Variants in ARHGEF6 observed in about 807,000 individuals in gnomAD.
ARHGEF6 encodes the protein rho guanine nucleotide exchange factor 6.
Under a neutral mutation model 70.3 loss-of-function variants are expected in ARHGEF6, and 9 were observed. The observed-to-expected ratio is 0.13, with a 90% CI of 0.08 to 0.22. The LOEUF (loss-of-function observed/expected upper bound fraction) is 0.22. Ranked by LOEUF, ARHGEF6 falls within the 10% of genes least tolerant of loss-of-function variation. The pLI, the probability that ARHGEF6 is intolerant of heterozygous loss-of-function variation, is 1.00. For synonymous variants in ARHGEF6, 201 were observed against 207.8 expected, an observed-to-expected ratio of 0.97 and a Z score of 0.28; for missense variants, 470 against 563.0, an observed-to-expected ratio of 0.83 and a Z score of 1.67.
At chrX:136,745,921 T>C (rs1190719824) in intron 3 of ARHGEF6, among the ~76,000 whole-genome samples, 2 of 112,072 alleles carry the variant, frequency 1.8e-5, no homozygotes, top group African/African-American at 6.5e-5. Flanking sequence ...AAGAGTCTTC[T>C]CTTCCTTGAA....
chrX:136,746,042 C>T (rs1450624928), intron 3 of ARHGEF6, among the ~76,000 whole-genome samples: 1 of 111,909 alleles, frequency 8.9e-6, no homozygotes, highest in Non-Finnish European at 1.9e-5. Flanking sequence ...GGTTCTTTTC[C>T]TCTCCATTTA....
rs760460124 is a variant in ARHGEF6 at position 136,742,305 on chromosome X, C to T, written c.661+1280G>A. Among the ~76,000 whole-genome samples, 9 of 110,826 alleles carry T rather than the reference C, an allele frequency of 8.1e-5. No homozygotes were observed. The South Asian group carries it at 3.5e-3, about 43-fold the overall frequency. Reference sequence around the variant, plus strand: ...CTGCACTCCAGCCTGGGTGACAGAGCAAGACTCCGTCTCAAAACAACAACA... The same window carrying T: ...CTGCACTCCAGCCTGGGTGACAGAGTAAGACTCCGTCTCAAAACAACAACA... On this transcript the variant is annotated intron_variant, in intron 5 of 21. Coordinates refer to ENST00000250617, the MANE Select transcript of ARHGEF6 (RefSeq NM_004840.3).
At chrX:136,732,253 T>C in intron 5 of ARHGEF6, 81 bp from the exon 6 acceptor site, 2 of 727,890 alleles carry the variant, frequency 2.7e-6, no homozygotes, top group South Asian at 2.3e-5. Context: ...ACTAACATAC[T>C]ATAAAGATTC....
intron 2 of ARHGEF6, among the ~76,000 whole-genome samples, chrX:136,750,589 T>C (rs753298706): frequency 2.7e-5 from 3 of 111,566 alleles, no homozygotes; most frequent in Non-Finnish European, 3.8e-5. Context: ...CTACTGTGAC[T>C]CAGACAAGAA....
At chrX:136,749,258 G>A (rs1392730416) in intron 2 of ARHGEF6, among the ~76,000 whole-genome samples, 2 of 111,423 alleles carry the variant, frequency 1.8e-5, no homozygotes, top group African/African-American at 3.3e-5. Flanking sequence ...TAGTATCTCC[G>A]GGGATTTCAG....
At chrX:136,697,818 G>A (rs1223507414) in intron 9 of ARHGEF6, among the ~76,000 whole-genome samples, 1 of 112,759 alleles carries the variant, frequency 8.9e-6, no homozygotes, top group Non-Finnish European at 1.9e-5. Context: ...TACCTAAAAT[G>A]TCTTGTTCTC....
At chrX:136,703,082 AAATT>A (rs1175498197) in intron 9 of ARHGEF6, among the ~76,000 whole-genome samples, 3 of 111,847 alleles carry the variant, frequency 2.7e-5, no homozygotes, top group Admixed American at 9.5e-5. Flanking sequence ...AATTAACTCA[AAATT>A]AATTAAAGAC....
intron 2 of ARHGEF6, chrX:136,767,469 T>C (rs2077328399): frequency 7.9e-6 from 6 of 754,948 alleles, no homozygotes; most frequent in African/African-American, 2.3e-5. Flanking sequence ...AGCCCAGGGA[T>C]TGTTTTTTAA....
intron 6 of ARHGEF6, among the ~76,000 whole-genome samples, chrX:136,717,390 A>T (rs979167533): frequency 4.5e-5 from 5 of 111,554 alleles, no homozygotes; most frequent in Non-Finnish European, 7.6e-5. Context: ...AAAGTGAAAG[A>T]CATATCAAGA....
chrX:136,673,550 C>G (rs765178134), intron 19 of ARHGEF6, among the ~76,000 whole-genome samples: 13 of 111,666 alleles, frequency 1.2e-4, no homozygotes, highest in Non-Finnish European at 1.9e-4. Flanking sequence ...GCAGACCCAT[C>G]CACTCTGTCA....
chrX:136,678,040 A>G, intron 16 of ARHGEF6, 84 bp from the exon 17 acceptor site: 1 of 850,524 alleles, frequency 1.2e-6, no homozygotes, highest in South Asian at 2.1e-5. Flanking sequence ...AATAATTCTA[A>G]AACAACATTT....
chrX:136,686,621 T>TATATAC lies in ARHGEF6; in HGVS notation c.1246-799_1246-798insGTATAT, dbSNP rs1440869053. On this transcript the variant is annotated intron_variant, in intron 11 of 21. Coordinates refer to ENST00000250617, the MANE Select transcript of ARHGEF6 (RefSeq NM_004840.3). ...ATATATATATATATATATATATATA[T>TATATAC]ACACATATATATATATATATACACA... Among the ~76,000 whole-genome samples the TATATAC allele has an allele frequency of 1.7e-3, 119 of 68,535 alleles. 2 individuals are homozygous for TATATAC. Among genetic ancestry groups the TATATAC allele is most frequent in the African/African-American group, 7.5e-3 (95 of 12,719 alleles). The allele number at this position is 68,535 out of a possible 115,157, so 59.5% of individuals were successfully genotyped here.
At chrX:136,757,139 G>A (rs1219629654) in intron 2 of ARHGEF6, among the ~76,000 whole-genome samples, 2 of 112,884 alleles carry the variant, frequency 1.8e-5, no homozygotes, top group Non-Finnish European at 1.9e-5. Flanking sequence ...GGCTGAGGTG[G>A]GCTAATCACT....
chrX:136,708,541 G>A (rs1452929528), intron 8 of ARHGEF6, 134 bp downstream of exon 8: 1 of 502,849 alleles, frequency 2.0e-6, no homozygotes, highest in East Asian at 4.2e-5. Context: ...CACTGTCTAT[G>A]TATTGCTACT....
At chrX:136,709,934 C>A (rs1402174543) in intron 7 of ARHGEF6, among the ~76,000 whole-genome samples, 1 of 111,164 alleles carries the variant, frequency 9.0e-6, no homozygotes, top group East Asian at 2.8e-4. Context: ...CCACTGCACT[C>A]CAGGCTGGGT....
intron 2 of ARHGEF6, among the ~76,000 whole-genome samples, chrX:136,774,299 G>T (rs1368210528): frequency 9.6e-6 from 1 of 103,889 alleles, no homozygotes; most frequent in Non-Finnish European, 2.0e-5. Flanking sequence ...CCTTCTGGCA[G>T]CTTTAGAATG....
intron 11 of ARHGEF6, among the ~76,000 whole-genome samples, chrX:136,686,140 C>T (rs760774409): frequency 2.7e-5 from 3 of 112,528 alleles, no homozygotes; most frequent in South Asian, 3.7e-4. Context: ...TCACACTGAC[C>T]AGAGCCAGGT....
chrX:136,774,668 G>A (rs1365109820), intron 2 of ARHGEF6, among the ~76,000 whole-genome samples: 4 of 97,168 alleles, frequency 4.1e-5, no homozygotes, highest in East Asian at 3.1e-4. Context: ...AAAAAAAAAA[G>A]GAATAAAAAA....
intron 5 of ARHGEF6, among the ~76,000 whole-genome samples, chrX:136,737,919 G>A (rs1309336303): frequency 9.4e-6 from 1 of 106,741 alleles, no homozygotes; most frequent in Non-Finnish European, 1.9e-5. Context: ...TTTGTTACCT[G>A]AAGCTAGTCT....
Sources: gnomAD v4.1 joint callset for allele counts (sites outside exome capture counted in the v4.1 genomes callset) on GRCh38, gnomAD v4.1.1 for gene constraint, MANE v1.5 for transcripts, NCBI Gene and HGNC (gene_info 2026-07-23, HGNC 2026-07-21) for gene names.